The following IFT81 variants were observed in gnomAD, a reference collection of about 807,000 sequenced individuals.
IFT81 encodes the protein intraflagellar transport 81.
IFT81 carries 72 observed loss-of-function variants against 102.6 expected under a neutral mutation model. The observed-to-expected ratio is 0.70, with a 90% CI of 0.58 to 0.85. The LOEUF (loss-of-function observed/expected upper bound fraction) is 0.85, where lower values mean the gene tolerates loss of function less well. IFT81 is among the 40% of genes least tolerant of loss of function. The pLI is 0.00. For missense variants in IFT81, 723 were observed against 787.3 expected, an observed-to-expected ratio of 0.92 and a Z score of 0.98; for synonymous variants, 237 against 242.7, an observed-to-expected ratio of 0.98 and a Z score of 0.22.
intron 4 of IFT81, 98 bp from the exon 5 acceptor site, chr12:110,132,449 G>C: frequency 2.0e-6 from 1 of 510,258 alleles, no homozygotes; most frequent in Non-Finnish European, 3.4e-6. Context: ...GACAGAGCAA[G>C]AGTCTGTCTC....
chr12:110,195,743 T>C (rs1384107930), intron 14 of IFT81, among the ~76,000 whole-genome samples: 4 of 152,226 alleles, frequency 2.6e-5, no homozygotes, highest in Admixed American at 2.6e-4. Context: ...CTGGAACTTG[T>C]CCTCTAGTTG....
At chr12:110,164,616 A>T (rs981390196) in intron 11 of IFT81, among the ~76,000 whole-genome samples, 3 of 152,116 alleles carry the variant, frequency 2.0e-5, no homozygotes, top group Non-Finnish European at 2.9e-5. Flanking sequence ...CTCCCATAGT[A>T]CCACTTTTCT....
At chr12:110,130,224 A>G (rs1202190339) in intron 4 of IFT81, among the ~76,000 whole-genome samples, 1 of 152,212 alleles carries the variant, frequency 6.6e-6, no homozygotes, top group Non-Finnish European at 1.5e-5. Flanking sequence ...GCACAGCAGA[A>G]TGAGACCACC....
At chr12:110,199,445 GACC>G (rs774185379) in intron 14 of IFT81, among the ~76,000 whole-genome samples, 1 of 152,124 alleles carries the variant, frequency 6.6e-6, no homozygotes, top group Non-Finnish European at 1.5e-5. Flanking sequence ...GAAGTTCCTA[GACC>G]ATGTAGATAG....
intron 10 of IFT81, among the ~76,000 whole-genome samples, chr12:110,156,892 T>C (rs1041888602): frequency 6.6e-6 from 1 of 152,244 alleles, no homozygotes; most frequent in Admixed American, 6.5e-5. Flanking sequence ...CACTGCTTTC[T>C]GGCCTCCAAA....
At chr12:110,179,763 T>TACAC (rs1367096807) in intron 11 of IFT81, among the ~76,000 whole-genome samples, 3 of 68,954 alleles carry the variant, frequency 4.4e-5, no homozygotes, top group East Asian at 5.8e-4. Flanking sequence ...TATATATATA[T>TACAC]ATATATATAT....
chr12:110,132,364 G>T (rs754079797), intron 4 of IFT81, among the ~76,000 whole-genome samples, 183 bp from the exon 5 acceptor site: 7 of 151,746 alleles, frequency 4.6e-5, no homozygotes, highest in African/African-American at 1.7e-4. Context: ...GGAGGCTGAC[G>T]CAGGAGAATC....
At chr12:110,163,242 CT>C (rs1302945103) in intron 11 of IFT81, among the ~76,000 whole-genome samples, 177 bp downstream of exon 11, 8 of 151,026 alleles carry the variant, frequency 5.3e-5, no homozygotes, top group Non-Finnish European at 8.9e-5. Flanking sequence ...TTTTCTTTTT[CT>C]TTTTTTTTCT....
chr12:110,191,122 C>T (rs1897778600), intron 13 of IFT81, 74 bp downstream of exon 13: 2 of 1,268,510 alleles, frequency 1.6e-6, no homozygotes, highest in East Asian at 2.5e-5. Flanking sequence ...GTTTTATTTT[C>T]AGTGAAACAT....
At chr12:110,129,308 C>T (rs1894032959) in intron 4 of IFT81, among the ~76,000 whole-genome samples, 178 bp downstream of exon 4, 2 of 149,590 alleles carry the variant, frequency 1.3e-5, no homozygotes, top group African/African-American at 4.9e-5. Context: ...CTTTTGCACA[C>T]AAATACTGTT....
At chr12:110,194,676 C>T (rs971732097) in intron 14 of IFT81, among the ~76,000 whole-genome samples, 6 of 151,944 alleles carry the variant, frequency 3.9e-5, no homozygotes, top group African/African-American at 1.5e-4. Context: ...ATGTTCTTAG[C>T]AATAATTAAA....
intron 12 of IFT81, among the ~76,000 whole-genome samples, chr12:110,188,061 G>A (rs539757801): frequency 3.9e-5 from 6 of 152,274 alleles, no homozygotes; most frequent in South Asian, 4.1e-4. Context: ...GGCCGGGCGC[G>A]GTGGCTCACG....
chr12:110,216,395 A>G (rs1364179733), intron 18 of IFT81: 1 of 411,316 alleles, frequency 2.4e-6, no homozygotes, highest in Non-Finnish European at 4.7e-6. Flanking sequence ...ACAGAGTATC[A>G]TGTTACCCAG....
rs1427697724 is a variant in IFT81, at chr12:110,124,702, C to A, written c.-181C>A. 1 of 152,268 alleles carries A rather than the reference C, an allele frequency of 6.6e-6. No individual in the cohort carries two copies. The highest frequency in any genetic ancestry group is 1.5e-5 in the Non-Finnish European group (1 of 68,096). 9.4% of individuals were successfully genotyped at this position (152,268 alleles called of 1,614,324 possible). On this transcript the variant is annotated 5_prime_UTR_variant, in exon 1 of 19. Coordinates refer to ENST00000242591, the MANE Select transcript of IFT81 (RefSeq NM_014055.4). The stretch of plus-strand genomic sequence containing the variant: ...GGGGTCCCCTGTCCCCTGTCCCGAG[C>A]CCGGGGAGGGGGACACTATTTCTGG...
intron 14 of IFT81, among the ~76,000 whole-genome samples, chr12:110,201,337 G>C (rs978212958): frequency 1.3e-5 from 2 of 151,804 alleles, no homozygotes; most frequent in Non-Finnish European, 2.9e-5. Flanking sequence ...GGGAGGCAGA[G>C]GTTGTAGTGA....
intron 11 of IFT81, among the ~76,000 whole-genome samples, chr12:110,176,963 G>A (rs1007248095): frequency 7.2e-5 from 11 of 152,216 alleles, no homozygotes; most frequent in Non-Finnish European, 1.3e-4. Flanking sequence ...TTCATTTTGG[G>A]CACTTTGCCC....
intron 9 of IFT81, among the ~76,000 whole-genome samples, chr12:110,144,476 A>G (rs566595345): frequency 6.6e-6 from 1 of 151,420 alleles, no homozygotes; most frequent in South Asian, 2.1e-4. Flanking sequence ...CAGCCTCCCA[A>G]AGTGCTGGGA....
In IFT81 at chr12:110,143,435, G is replaced by A; in HGVS notation, c.835G>A (p.Glu279Lys). The change falls in exon 9 of 19, where the codon GAA becomes AAA. Residue 279 changes from glutamate (E) to lysine (K), a missense_variant. Transcript: ENST00000242591. ...AAAATTTAATTTATATATGGTAACT[G>A]AAAAATTTCCTAAAGAATTAGAAAA... ...EIKFNLYMVT[E>K]KFPKELENKK... 6.6e-7 allele frequency: 1 copy of A among 1,522,244 alleles called. No homozygotes were observed. Among genetic ancestry groups the A allele is most frequent in the Non-Finnish European group, 8.8e-7 (1 of 1,137,458 alleles). 94.3% of individuals were successfully genotyped at this position (1,522,244 alleles called of 1,614,324 possible).
intron 18 of IFT81, among the ~76,000 whole-genome samples, chr12:110,212,027 T>G (rs923291507): frequency 2.0e-5 from 3 of 152,202 alleles, no homozygotes; most frequent in Non-Finnish European, 4.4e-5. Flanking sequence ...ACAGTTTAGC[T>G]ACTGGTATGA....
Sources: allele counts gnomAD v4.1 joint callset (sites outside exome capture counted in the v4.1 genomes callset), GRCh38; gene constraint gnomAD v4.1.1; transcripts MANE v1.5; gene names NCBI Gene and HGNC (gene_info 2026-07-23, HGNC 2026-07-21).